The following UST variants were observed in gnomAD, a reference collection of about 807,000 sequenced individuals.
UST encodes the protein chondroitin sulfate 2-O-sulfotransferase.
A neutral mutation model predicts 45.6 loss-of-function variants in UST; 21 were observed. The ratio of observed to expected loss-of-function variants is 0.46; its 90% CI spans 0.33 to 0.66. UST has a LOEUF of 0.66. Ranked by LOEUF, UST falls within the 30% of genes least tolerant of loss-of-function variation. The pLI is 0.02. For missense variants in UST, 463 were observed against 512.4 expected (o/e 0.90, Z 0.93); for synonymous variants, 215 against 200.6 (o/e 1.07, Z -0.61).
intron 1 of UST, among the ~76,000 whole-genome samples, chr6:148,812,094 A>G (rs1222765654): frequency 1.3e-5 from 2 of 152,186 alleles, no homozygotes; most frequent in African/African-American, 2.4e-5. Context: ...TGTATATTTA[A>G]AAGTAATCCA....
chr6:148,941,826 A>T (rs1230818060), intron 3 of UST, among the ~76,000 whole-genome samples: 2 of 152,104 alleles, frequency 1.3e-5, no homozygotes, highest in Non-Finnish European at 2.9e-5. Context: ...AATGTCCAGG[A>T]TCTTTATGGT....
intron 5 of UST, among the ~76,000 whole-genome samples, chr6:148,969,616 T>G (rs910843797): frequency 6.6e-6 from 1 of 152,128 alleles, no homozygotes; most frequent in Non-Finnish European, 1.5e-5. Context: ...GTATTGATGC[T>G]CCCACCCCCT....
At chr6:149,064,987 C>T (rs1312330083) in intron 7 of UST, among the ~76,000 whole-genome samples, 1 of 152,014 alleles carries the variant, frequency 6.6e-6, no homozygotes, top group Non-Finnish European at 1.5e-5. Flanking sequence ...AAGGGAGGAG[C>T]TCTGTATTCG....
At chr6:148,827,565 G>A (rs1202671103) in intron 1 of UST, among the ~76,000 whole-genome samples, 1 of 151,480 alleles carries the variant, frequency 6.6e-6, no homozygotes, top group African/African-American at 2.4e-5. Context: ...GCAATGAGCT[G>A]AGATCACACC....
chr6:148,830,427 C>T (rs535125251), intron 1 of UST, among the ~76,000 whole-genome samples: 8 of 152,308 alleles, frequency 5.3e-5, no homozygotes, highest in Admixed American at 2.6e-4. Context: ...CCCACAAAGA[C>T]GACCGGACTA....
At position 148,776,726 on chromosome 6, in the gene UST, T is replaced by C. The variant is rs58701494; in HGVS notation, c.247+29049T>C. Among the ~76,000 whole-genome samples the C allele has an allele frequency of 2.0e-5, 3 of 152,360 alleles. No individual in the cohort carries two copies. In the East Asian group the frequency reaches 5.8e-4, roughly 29 times the overall value. On this transcript the variant is annotated intron_variant, in intron 1 of 7. Transcript: ENST00000367463. ...TCTTTAACCATTTGTTGGAAATCTC[T>C]TTAAAACATATTACACATGGTTTTC...
rs1396183284 is a variant in UST at position 148,748,158 on chromosome 6, A to T, written c.247+481A>T. Among the ~76,000 whole-genome samples, 1 of 152,046 alleles carries T rather than the reference A, an allele frequency of 6.6e-6. No individual in the cohort carries two copies. The highest frequency in any genetic ancestry group is 1.5e-5 in the Non-Finnish European group (1 of 67,982). Reference sequence around the variant, plus strand: ...CCCTTTGCCACCGTCCGCTCTGAGAATTCTGTCCCGCAGATCCCCCGCCTG... The same window carrying T: ...CCCTTTGCCACCGTCCGCTCTGAGATTTCTGTCCCGCAGATCCCCCGCCTG... On this transcript the variant is annotated intron_variant, in intron 1 of 7. Coordinates refer to ENST00000367463, the MANE Select transcript of UST (RefSeq NM_005715.3). This position sits in a 1 kb window ranked among gnomAD's most constrained non-coding sequence, Gnocchi z 5.3.
intron 1 of UST, among the ~76,000 whole-genome samples, chr6:148,817,557 G>A (rs767699264): frequency 1.2e-4 from 19 of 152,298 alleles, no homozygotes; most frequent in Admixed American, 8.5e-4. Flanking sequence ...ACTGGAAGGG[G>A]TGGGGGAGCT....
rs1055848582 is a variant in UST, at chr6:148,934,815, G to T, written c.292-6464G>T. On this transcript the variant is annotated intron_variant, in intron 2 of 7. Transcript: ENST00000367463. This position sits in a 1 kb window ranked among gnomAD's most constrained non-coding sequence, Gnocchi z 4.1. ...CTCATCCTAGACTGTGATTCAGTTCGTCTTAGAGTGTGGCCCAGAAATCTG... is the reference window on the plus strand; with the variant it reads ...CTCATCCTAGACTGTGATTCAGTTCTTCTTAGAGTGTGGCCCAGAAATCTG... 6.6e-6 allele frequency among the ~76,000 whole-genome samples: 1 copy of T among 151,158 alleles called. No homozygotes were observed. Among genetic ancestry groups the T allele is most frequent in the Non-Finnish European group, 1.5e-5 (1 of 68,042 alleles).
In UST at chr6:148,995,908, T is replaced by C. The variant is rs368744290; in HGVS notation, c.682-23231T>C. ...GCAGGCACAGGGCCCTATTCATGCATTCACATGACCTGGCAGGCACCTGTG... is the reference window on the plus strand; with the variant it reads ...GCAGGCACAGGGCCCTATTCATGCACTCACATGACCTGGCAGGCACCTGTG... On this transcript the variant is annotated intron_variant, in intron 5 of 7. Transcript: ENST00000367463. Among the ~76,000 whole-genome samples, 49 of 152,314 alleles carry C rather than the reference T, an allele frequency of 3.2e-4. No individual in the cohort carries two copies. In the South Asian group the frequency reaches 1.0e-2, roughly 31 times the overall value.
At chr6:148,922,861 C>T (rs1032515797) in intron 2 of UST, among the ~76,000 whole-genome samples, 17 of 152,072 alleles carry the variant, frequency 1.1e-4, no homozygotes, top group African/African-American at 4.1e-4. Context: ...GGCACGATCT[C>T]GGCTTACTGC....
At chr6:149,064,520 C>T (rs1562344320) in intron 7 of UST, among the ~76,000 whole-genome samples, 1 of 152,150 alleles carries the variant, frequency 6.6e-6, no homozygotes, top group Non-Finnish European at 1.5e-5. Context: ...GCAACAATTC[C>T]TGTGCGTGGT....
intron 1 of UST, among the ~76,000 whole-genome samples, chr6:148,876,156 G>A (rs1778647017): frequency 6.6e-6 from 1 of 152,124 alleles, no homozygotes; most frequent in Admixed American, 6.5e-5. Flanking sequence ...GAAGGCGAAG[G>A]GAGAGCAGGG....
chr6:148,770,838 G>A (rs1776412608), intron 1 of UST, among the ~76,000 whole-genome samples: 1 of 152,056 alleles, frequency 6.6e-6, no homozygotes, highest in African/African-American at 2.4e-5. Flanking sequence ...ATGTCACCGA[G>A]GTCCTTTGCC....
At chr6:148,900,657 A>G (rs895625786) in intron 2 of UST, among the ~76,000 whole-genome samples, 1 of 152,156 alleles carries the variant, frequency 6.6e-6, no homozygotes, top group Non-Finnish European at 1.5e-5. Context: ...GAACTACTAC[A>G]TGTATTCACT....
At chr6:148,892,974 T>G (rs1378926604) in intron 2 of UST, among the ~76,000 whole-genome samples, 1 of 152,176 alleles carries the variant, frequency 6.6e-6, no homozygotes, top group Non-Finnish European at 1.5e-5. Flanking sequence ...TAAAAAAAAG[T>G]ATTTTCTCTT....
intron 7 of UST, among the ~76,000 whole-genome samples, chr6:149,032,180 G>T: frequency 6.6e-6 from 1 of 152,140 alleles, no homozygotes; most frequent in East Asian, 1.9e-4. Flanking sequence ...AGCGCCAGTG[G>T]CCAAGCCGCT....
intron 2 of UST, 132 bp downstream of exon 2, chr6:148,887,161 T>C: frequency 1.4e-6 from 1 of 728,564 alleles, no homozygotes; most frequent in Non-Finnish European, 2.3e-6. Flanking sequence ...GAAATTGATG[T>C]TTAACTTCTA....
At chr6:148,928,928 T>C (rs2114907575) in intron 2 of UST, among the ~76,000 whole-genome samples, 2 of 152,348 alleles carry the variant, frequency 1.3e-5, no homozygotes, top group South Asian at 4.1e-4. Flanking sequence ...TAGAAAGGAA[T>C]GTATTTCATC....
Sources: allele counts gnomAD v4.1 joint callset (sites outside exome capture counted in the v4.1 genomes callset), GRCh38; gene constraint gnomAD v4.1.1; non-coding constraint Gnocchi (gnomAD v3.1); transcripts MANE v1.5; gene names NCBI Gene and HGNC (gene_info 2026-07-23, HGNC 2026-07-21).